Variants in GPHN observed in about 807,000 individuals in gnomAD.
GPHN encodes gephyrin.
In GPHN, 17 loss-of-function variants were observed where a neutral mutation model predicts 95.5. The observed-to-expected ratio is 0.18, with a 90% confidence interval of 0.12 to 0.27. The LOEUF is 0.27. Among genes scored for constraint, GPHN ranks in the 10% least tolerant of loss-of-function variants. GPHN has a pLI of 1.00. For missense variants in GPHN, 660 were observed against 978.1 expected, an observed-to-expected ratio of 0.67 and a Z score of 4.34; for synonymous variants, 320 against 322.5, an observed-to-expected ratio of 0.99 and a Z score of 0.08.
intron 1 of GPHN, among the ~76,000 whole-genome samples, chr14:66,568,886 G>A (rs1374670375): frequency 6.6e-6 from 1 of 151,922 alleles, no homozygotes; most frequent in Non-Finnish European, 1.5e-5. Context: ...TATTTTGACA[G>A]TCCATCATTT....
At position 66,703,937 on chromosome 14, in the gene GPHN, GA is replaced by G. The variant is rs1197989479; in HGVS notation, c.143+22756del. Among the ~76,000 whole-genome samples the G allele has an allele frequency of 2.3e-5, 3 of 130,916 alleles. No individual in the cohort carries two copies. The Admixed American group carries it at 2.3e-4, about 10-fold the overall frequency. 85.9% of individuals were successfully genotyped at this position (130,916 alleles called of 152,430 possible). On this transcript the variant is annotated intron_variant, in intron 2 of 22. Transcript: ENST00000478722. ...ATAGGTTCAAAATAAAAGGATGGAG[GA>G]AAATACACCAAGCAAATGGAAAGCC...
At chr14:67,072,648 A>G (rs1034739302) in intron 11 of GPHN, among the ~76,000 whole-genome samples, 20 of 152,172 alleles carry the variant, frequency 1.3e-4, no homozygotes, top group African/African-American at 4.6e-4. Context: ...GAATGTGTAT[A>G]AGAATGTAAC....
At chr14:67,186,870 C>T in the GPHN span, among the ~76,000 whole-genome samples, 2 of 152,158 alleles carry the variant, frequency 1.3e-5, no homozygotes, top group East Asian at 1.9e-4. Flanking sequence ...CATTTGCAGC[C>T]GAGAGACAAT....
the GPHN span, among the ~76,000 whole-genome samples, chr14:67,259,496 C>T: frequency 6.6e-6 from 1 of 151,972 alleles, no homozygotes; most frequent in East Asian, 1.9e-4. Context: ...CCTGTAATCC[C>T]AGTTACTCAG....
At chr14:67,206,745 T>G in the GPHN span, among the ~76,000 whole-genome samples, 1 of 151,918 alleles carries the variant, frequency 6.6e-6, no homozygotes, top group Non-Finnish European at 1.5e-5. Context: ...TTATTATTAT[T>G]ATTTTGAGAC....
At chr14:67,055,046 C>T (rs765764250) in intron 10 of GPHN, among the ~76,000 whole-genome samples, 1 of 152,072 alleles carries the variant, frequency 6.6e-6, no homozygotes. Flanking sequence ...ACAAAGATTT[C>T]GTGACAAAAA....
chr14:67,280,816 C>CTTCA, the GPHN span, among the ~76,000 whole-genome samples: 4 of 120,964 alleles, frequency 3.3e-5, no homozygotes, highest in Non-Finnish European at 6.6e-5. Context: ...TCCTTCCTTC[C>CTTCA]TTCCTTCCTT....
the GPHN span, among the ~76,000 whole-genome samples, chr14:67,196,424 C>A: frequency 6.6e-6 from 1 of 151,832 alleles, no homozygotes; most frequent in Non-Finnish European, 1.5e-5. Flanking sequence ...ACGACGTTGG[C>A]CAGGCCAGGC....
At chr14:67,177,140 T>C (rs932990786) in intron 21 of GPHN, among the ~76,000 whole-genome samples, 7 of 152,218 alleles carry the variant, frequency 4.6e-5, no homozygotes, top group Admixed American at 3.3e-4. Flanking sequence ...TATTTCCTCT[T>C]ACTCCTCTAG....
the GPHN span, among the ~76,000 whole-genome samples, chr14:67,502,539 G>A: frequency 1.4e-5 from 2 of 143,434 alleles, no homozygotes; most frequent in African/African-American, 5.1e-5. Context: ...TGCAACCTCC[G>A]CCTCCGAGAT....
the GPHN span, chr14:67,205,143 C>A: frequency 6.8e-7 from 1 of 1,470,148 alleles, no homozygotes; most frequent in Non-Finnish European, 9.1e-7. Context: ...AGAGGGGTTA[C>A]CGAGATCACA....
the GPHN span, chr14:67,343,521 T>C: frequency 1.0e-6 from 1 of 962,636 alleles, no homozygotes; most frequent in Non-Finnish European, 1.6e-6. Context: ...AGACTGCACT[T>C]GTAGAAAACA....
At chr14:67,303,232 G>A in the GPHN span, among the ~76,000 whole-genome samples, 1 of 152,158 alleles carries the variant, frequency 6.6e-6, no homozygotes. Flanking sequence ...TGCAATTTAT[G>A]ATCACTTTGT....
chr14:67,342,720 TATATC>T, the GPHN span, among the ~76,000 whole-genome samples: 15 of 150,878 alleles, frequency 9.9e-5, no homozygotes, highest in Middle Eastern at 7.0e-3. Context: ...ATATAGTTAA[TATATC>T]ATATTATACA....
intron 2 of GPHN, among the ~76,000 whole-genome samples, chr14:66,719,414 G>A (rs956550093): frequency 6.6e-6 from 1 of 152,182 alleles, no homozygotes. Context: ...AGTTTCCCCA[G>A]TGAGGATGTG....
At chr14:67,328,559 A>G in the GPHN span, among the ~76,000 whole-genome samples, 3 of 152,162 alleles carry the variant, frequency 2.0e-5, no homozygotes, top group African/African-American at 4.8e-5. Context: ...GCCCATGCCT[A>G]TGTCCTGAAT....
chr14:66,844,801 T>G (rs2062249421), intron 4 of GPHN, among the ~76,000 whole-genome samples: 1 of 152,160 alleles, frequency 6.6e-6, no homozygotes, highest in Non-Finnish European at 1.5e-5. Flanking sequence ...TTCACAGTTT[T>G]GTGCAACCGT....
At chr14:67,159,347 C>A in intron 18 of GPHN, 68 bp from the exon 19 acceptor site, 5 of 897,328 alleles carry the variant, frequency 5.6e-6, no homozygotes, top group South Asian at 2.6e-5. Flanking sequence ...ATTTAATGTT[C>A]ATTTAAAGTG....
At chr14:66,566,215 A>G (rs1594997616) in intron 1 of GPHN, among the ~76,000 whole-genome samples, 1 of 152,088 alleles carries the variant, frequency 6.6e-6, no homozygotes, top group Non-Finnish European at 1.5e-5. Context: ...AACTTAAAGC[A>G]TCTTTGATGT....
Sources: allele counts gnomAD v4.1 joint callset (sites outside exome capture counted in the v4.1 genomes callset), GRCh38; gene constraint gnomAD v4.1.1; transcripts MANE v1.5; gene names NCBI Gene and HGNC (gene_info 2026-07-23, HGNC 2026-07-21).